Variants in TTC12 observed in about 807,000 individuals in gnomAD.
TTC12 encodes tetratricopeptide repeat protein 12.
Under a neutral mutation model 90.1 loss-of-function variants are expected in TTC12, and 70 were observed. That is an observed-to-expected ratio of 0.78 (90% confidence interval 0.64 to 0.95). The LOEUF is 0.95. TTC12 is among the 40% of genes least tolerant of loss of function. The pLI is 0.00. For missense variants in TTC12, 819 were observed against 846.1 expected (o/e 0.97, Z 0.40); for synonymous variants, 296 against 311.5 (o/e 0.95, Z 0.53).
At chr11:113,326,843 A>C (rs2137940190) in intron 6 of TTC12, among the ~76,000 whole-genome samples, 1 of 152,332 alleles carries the variant, frequency 6.6e-6, no homozygotes, top group Non-Finnish European at 1.5e-5. Context: ...TTTTCCCCTA[A>C]TGCTTTATTT....
intron 2 of TTC12, among the ~76,000 whole-genome samples, chr11:113,317,302 C>G (rs761433818): frequency 1.3e-5 from 2 of 152,136 alleles, no homozygotes; most frequent in Non-Finnish European, 2.9e-5. Flanking sequence ...CTCTTTCCCT[C>G]CCCTTTGCCC....
chr11:113,316,297 A>T lies in TTC12; in HGVS notation c.40A>T (p.Lys14Ter). 3 of 1,468,552 alleles carry T rather than the reference A, an allele frequency of 2.0e-6. No individual in the cohort carries two copies. Among genetic ancestry groups the T allele is most frequent in the East Asian group, 2.4e-5 (1 of 40,964 alleles). 91.0% of individuals were successfully genotyped at this position (1,468,552 alleles called of 1,614,324 possible). Residue 14 changes from lysine to a stop codon, truncating the protein, a stop_gained, in exon 2 of 22, where the codon AAA becomes TAA. Coordinates refer to ENST00000529221, the MANE Select transcript of TTC12 (RefSeq NM_017868.4). LOFTEE classifies it high-confidence loss of function. ...DKEKDLQKFL[K>*]NVDEISNLIQ... is the part of the protein sequence containing the mutation. ...AGAGAAAGATTTGCAGAAATTTCTTAAAAATGTGGATGAAATCTGTAAGTA... is the reference window on the plus strand; with the variant it reads ...AGAGAAAGATTTGCAGAAATTTCTTTAAAATGTGGATGAAATCTGTAAGTA...
chr11:113,358,125 T>A (rs1220332107), intron 16 of TTC12, among the ~76,000 whole-genome samples: 1 of 152,140 alleles, frequency 6.6e-6, no homozygotes, highest in Non-Finnish European at 1.5e-5. Context: ...TGCTATACTC[T>A]ATGCCATGCT....
intron 2 of TTC12, among the ~76,000 whole-genome samples, chr11:113,321,613 T>C (rs1462915222): frequency 6.6e-6 from 1 of 152,252 alleles, no homozygotes; most frequent in East Asian, 1.9e-4. Flanking sequence ...ATTGCAAGAA[T>C]GGTTACAAAT....
intron 7 of TTC12, 139 bp downstream of exon 7, chr11:113,330,118 T>C: frequency 1.4e-6 from 1 of 703,280 alleles, no homozygotes; most frequent in South Asian, 1.7e-5. Context: ...TGGGATAGAA[T>C]AGAATTGTTA....
At chr11:113,346,932 A>C (rs1949003177) in intron 13 of TTC12, among the ~76,000 whole-genome samples, 1 of 152,204 alleles carries the variant, frequency 6.6e-6, no homozygotes, top group South Asian at 2.1e-4. Context: ...ACTCACAGAG[A>C]CAGCTGCTTA....
chr11:113,334,826 G>C lies in TTC12; in HGVS notation c.505-140G>C, dbSNP rs868991789. On this transcript the variant is annotated intron_variant, in intron 7 of 21. Coordinates refer to ENST00000529221, the MANE Select transcript of TTC12 (RefSeq NM_017868.4). ...GGCATCAATTAGTTTGGTCACAAAT[G>C]CATAAAAAAGTTTTGTCAACTCTGG... 1.3e-5 allele frequency: 8 copies of C among 610,136 alleles called. No homozygotes were observed. In the Middle Eastern group the frequency reaches 1.2e-3, roughly 94 times the overall value. The allele number at this position is 610,136 out of a possible 1,614,324, so 37.8% of individuals were successfully genotyped here.
chr11:113,338,056 A>G lies in TTC12; in HGVS notation c.577-718A>G, dbSNP rs1395594736. Among the ~76,000 whole-genome samples the G allele has an allele frequency of 2.8e-5, 4 of 143,726 alleles. No homozygotes were observed. The Admixed American group carries it at 2.8e-4, about 10-fold the overall frequency. 94.3% of individuals were successfully genotyped at this position (143,726 alleles called of 152,430 possible). On this transcript the variant is annotated intron_variant, in intron 8 of 21. Coordinates refer to ENST00000529221, the MANE Select transcript of TTC12 (RefSeq NM_017868.4). ...AGATGAACCTTGAACCTTCAAGATTATCTCAGAACTGTTTTGTTGTTGTTG... is the reference window on the plus strand; with the variant it reads ...AGATGAACCTTGAACCTTCAAGATTGTCTCAGAACTGTTTTGTTGTTGTTG...
At chr11:113,359,050 TG>T (rs1476965240) in intron 16 of TTC12, among the ~76,000 whole-genome samples, 5 of 151,918 alleles carry the variant, frequency 3.3e-5, no homozygotes, top group Non-Finnish European at 4.4e-5. Context: ...TTAGCCATCT[TG>T]CCTGATCCTG....
chr11:113,322,409 A>T (rs1373237192), intron 2 of TTC12, among the ~76,000 whole-genome samples: 2 of 152,198 alleles, frequency 1.3e-5, no homozygotes, highest in Non-Finnish European at 1.5e-5. Context: ...TTACAGAAGA[A>T]TGGGCACCTT....
At chr11:113,355,640 A>G (rs1179269081) in intron 16 of TTC12, among the ~76,000 whole-genome samples, 1 of 152,154 alleles carries the variant, frequency 6.6e-6, no homozygotes, top group Admixed American at 6.5e-5. Context: ...TACCTTACCT[A>G]TGTCCCAGAG....
At position 113,335,163 on chromosome 11, in the gene TTC12, T is replaced by A. The variant is rs533254703; in HGVS notation, c.576+126T>A. The A allele has an allele frequency of 1.5e-5, 11 of 731,588 alleles. No homozygotes were observed. In the South Asian group the frequency reaches 2.2e-4, roughly 14 times the overall value. 45.3% of individuals were successfully genotyped at this position (731,588 alleles called of 1,614,324 possible). ...ATCCATCCTTTAGTATTTTCCAAGG[T>A]AAAGCTCAAGATCTTAAAGTTGGGA... On this transcript the variant is annotated intron_variant, in intron 8 of 21. Transcript: ENST00000529221.
rs1555150093 is a variant in TTC12, at chr11:113,351,285, C to T, written c.1294C>T (p.Leu432Phe). The T allele has an allele frequency of 5.0e-6, 8 of 1,614,046 alleles. No individual in the cohort carries two copies. Among genetic ancestry groups the T allele is most frequent in the Non-Finnish European group, 6.8e-6 (8 of 1,179,882 alleles). The change falls in exon 15 of 22, where the codon CTC becomes TTC. Residue 432 changes from leucine (L) to phenylalanine (F), a missense_variant. Coordinates refer to ENST00000529221, the MANE Select transcript of TTC12 (RefSeq NM_017868.4). ...QANLPGVLPA[L>F]TGVLKTDPKV... ...CAACCTTCCAGGTGTTCTCCCTGCACTCACAGGCGTTCTGGTGAGCAAACT... is the reference window on the plus strand; with the variant it reads ...CAACCTTCCAGGTGTTCTCCCTGCATTCACAGGCGTTCTGGTGAGCAAACT...
Position 113,350,079 on chromosome 11 carries a change from G to A in TTC12, c.1161G>A (p.Leu387=), listed in dbSNP as rs782622870. 29 of 1,613,410 alleles carry A rather than the reference G, an allele frequency of 1.8e-5. No homozygotes were observed. Among genetic ancestry groups the A allele is most frequent in the East Asian group, 2.2e-5 (1 of 44,878 alleles). ...IINHLDLTRL[L]EALVSFLDFS... ...TTATTATGGTTTTTTGCAGATTATT[G>A]GAAGCGCTGGTGTCATTTCTTGATT... Residue 387 remains leucine, a synonymous_variant, in exon 14 of 22, where the codon TTG becomes TTA. Coordinates refer to ENST00000529221, the MANE Select transcript of TTC12 (RefSeq NM_017868.4).
chr11:113,342,933 C>T (rs1555146678), intron 12 of TTC12, among the ~76,000 whole-genome samples: 1 of 152,042 alleles, frequency 6.6e-6, no homozygotes, highest in Non-Finnish European at 1.5e-5. Context: ...TCTGACATAA[C>T]AATCTGTTTA....
chr11:113,368,171 A>G (rs192944800), downstream of TTC12: 218 of 1,405,616 alleles, frequency 1.6e-4, no homozygotes, highest in East Asian at 4.4e-3. Flanking sequence ...TTACGTTATT[A>G]TGTTTATTGT....
At chr11:113,351,128 A>C in intron 14 of TTC12, 111 bp from the exon 15 acceptor site, 1 of 960,544 alleles carries the variant, frequency 1.0e-6, no homozygotes, top group Non-Finnish European at 1.6e-6. Flanking sequence ...GTCCATGCAC[A>C]CTCTAAATCA....
chr11:113,351,957 G>A, intron 15 of TTC12, 113 bp from the exon 16 acceptor site: 2 of 1,252,062 alleles, frequency 1.6e-6, no homozygotes, highest in Non-Finnish European at 2.2e-6. Flanking sequence ...TGTGTGACAT[G>A]AAGCTATCTG....
intron 8 of TTC12, among the ~76,000 whole-genome samples, chr11:113,335,748 T>C (rs918275452): frequency 6.6e-6 from 1 of 152,240 alleles, no homozygotes; most frequent in Admixed American, 6.5e-5. Flanking sequence ...TTGTAGTGTG[T>C]ATCAGTTCTT....
Sources: gnomAD v4.1 joint callset for allele counts (sites outside exome capture counted in the v4.1 genomes callset) on GRCh38, gnomAD v4.1.1 for gene constraint, MANE v1.5 for transcripts, NCBI Gene and HGNC (gene_info 2026-07-23, HGNC 2026-07-21) for gene names.